The following SYT14 variants were observed in gnomAD, a reference collection of about 807,000 sequenced individuals.
The protein encoded by SYT14 is synaptotagmin-14.
In SYT14, 32 loss-of-function variants were observed where a neutral mutation model predicts 74.2. The observed-to-expected ratio is 0.43, with a 90% CI of 0.33 to 0.58. The LOEUF (loss-of-function observed/expected upper bound fraction) is 0.58, where lower values mean the gene tolerates loss of function less well. SYT14 is among the 20% of genes least tolerant of loss of function. SYT14 has a pLI of 0.05. For synonymous variants in SYT14, 298 were observed against 337.7 expected (o/e 0.88, Z 1.29); for missense variants, 791 against 981.8 (o/e 0.81, Z 2.60).
At chr1:210,164,088 A>C (rs1380386770) in exon 10 of SYT14, 1 of 452,886 alleles carries the variant, frequency 2.2e-6, no homozygotes. Flanking sequence ...TGCCCAGTAA[A>C]CAAAATGTAT....
intron 4 of SYT14, among the ~76,000 whole-genome samples, chr1:210,017,473 C>T (rs1393737977): frequency 6.6e-6 from 1 of 152,122 alleles, no homozygotes; most frequent in Admixed American, 6.5e-5. Flanking sequence ...ATAACTAACT[C>T]TGAAGCCCTT....
chr1:210,155,676 T>C, intron 7 of SYT14, 45 bp from the exon 7 acceptor site: 3 of 1,597,510 alleles, frequency 1.9e-6, no homozygotes, highest in Non-Finnish European at 2.6e-6. Context: ...TCTCTTAATA[T>C]ATCTCTCTTG....
At chr1:209,981,766 T>C (rs1254943295) in intron 2 of SYT14, among the ~76,000 whole-genome samples, 2 of 152,150 alleles carry the variant, frequency 1.3e-5, no homozygotes, top group African/African-American at 4.8e-5. Context: ...CAGACTTTCT[T>C]CTTTTCAAGA....
At chr1:210,100,715 A>G (rs1430861210) in intron 7 of SYT14, among the ~76,000 whole-genome samples, 1 of 151,980 alleles carries the variant, frequency 6.6e-6, no homozygotes, top group Admixed American at 6.6e-5. Context: ...AGGGTTTTAC[A>G]TGTTTTTTGT....
At chr1:210,139,043 T>C (rs960681831) in intron 7 of SYT14, among the ~76,000 whole-genome samples, 1 of 151,960 alleles carries the variant, frequency 6.6e-6, no homozygotes, top group African/African-American at 2.4e-5. Flanking sequence ...ACCTGTTTCA[T>C]GTATTTGAAC....
At chr1:210,060,068 A>G (rs1056132844) in intron 5 of SYT14, among the ~76,000 whole-genome samples, 4 of 152,254 alleles carry the variant, frequency 2.6e-5, no homozygotes, top group African/African-American at 4.8e-5. Flanking sequence ...CATTGGAATT[A>G]TATGCAACTT....
chr1:209,953,303 T>G, intron 2 of SYT14: 40 of 1,241,344 alleles, frequency 3.2e-5, no homozygotes, highest in Non-Finnish European at 3.9e-5. Flanking sequence ...AGGTATTCTC[T>G]AGATTTGGAA....
chr1:210,044,026 C>T (rs1210927567), intron 5 of SYT14, among the ~76,000 whole-genome samples: 1 of 152,044 alleles, frequency 6.6e-6, no homozygotes, highest in Non-Finnish European at 1.5e-5. Flanking sequence ...AGCAGTTCCC[C>T]ATTCTTTAGG....
chr1:210,085,785 G>T (rs1048826982), intron 5 of SYT14, among the ~76,000 whole-genome samples: 4 of 152,068 alleles, frequency 2.6e-5, no homozygotes, highest in Non-Finnish European at 5.9e-5. Flanking sequence ...GGTTAGATTT[G>T]CTAAAATTTT....
chr1:210,009,253 C>T (rs756269552), intron 2 of SYT14, among the ~76,000 whole-genome samples: 3 of 152,064 alleles, frequency 2.0e-5, no homozygotes, highest in Non-Finnish European at 2.9e-5. Context: ...TGGCTGACTT[C>T]TGGTATCATA....
chr1:210,125,748 G>A (rs2082556664), intron 7 of SYT14, among the ~76,000 whole-genome samples: 1 of 152,188 alleles, frequency 6.6e-6, no homozygotes, highest in Non-Finnish European at 1.5e-5. Flanking sequence ...CAGAAGTTTA[G>A]TATTAATGAT....
At chr1:210,109,651 T>C (rs1287013189) in intron 7 of SYT14, among the ~76,000 whole-genome samples, 1 of 151,450 alleles carries the variant, frequency 6.6e-6, no homozygotes, top group Non-Finnish European at 1.5e-5. Context: ...GAAATAAGAA[T>C]GCTTTTACAC....
At chr1:210,154,766 A>G (rs751340663) in intron 7 of SYT14, among the ~76,000 whole-genome samples, 16 of 152,336 alleles carry the variant, frequency 1.1e-4, no homozygotes, top group Non-Finnish European at 1.6e-4. Flanking sequence ...TTTTCTAATC[A>G]ATCAAAAAAC....
chr1:210,158,047 G>C (rs568618058), intron 8 of SYT14, among the ~76,000 whole-genome samples: 15 of 152,216 alleles, frequency 9.9e-5, no homozygotes, highest in African/African-American at 3.1e-4. Context: ...TAAAATTAAG[G>C]TCATGTCTCT....
At chr1:209,957,953 TTCTC>T (rs1365880008) in intron 2 of SYT14, among the ~76,000 whole-genome samples, 4 of 152,156 alleles carry the variant, frequency 2.6e-5, no homozygotes, top group Non-Finnish European at 4.4e-5. Flanking sequence ...CCTTCCTTCT[TTCTC>T]TCTGTCTTTC....
rs148322753 is a variant in SYT14 at position 209,962,553 on chromosome 1, G to C, written c.-486+9797G>C. Among the ~76,000 whole-genome samples the C allele has an allele frequency of 2.6e-3, 397 of 152,154 alleles. 2 individuals carry two copies. The highest frequency in any genetic ancestry group is 9.0e-3 in the African/African-American group (374 of 41,532). On this transcript the variant is annotated intron_variant, in intron 2 of 9. Transcript: ENST00000637265. ...CTATATTTTCTTTGATTCGTTCTCAGCTTCTTTGAACTTCTTAATGAGAGG... is the reference window on the plus strand; with the variant it reads ...CTATATTTTCTTTGATTCGTTCTCACCTTCTTTGAACTTCTTAATGAGAGG...
At chr1:209,958,555 A>G (rs958502632) in intron 2 of SYT14, among the ~76,000 whole-genome samples, 7 of 152,156 alleles carry the variant, frequency 4.6e-5, no homozygotes, top group Non-Finnish European at 1.0e-4. Flanking sequence ...ATGCCTTTCA[A>G]TAAGGTTTTG....
intron 6 of SYT14, among the ~76,000 whole-genome samples, chr1:210,095,221 C>G (rs1178203561): frequency 2.0e-5 from 3 of 152,128 alleles, no homozygotes; most frequent in Non-Finnish European, 2.9e-5. Context: ...ATAATGAAAA[C>G]TATATAAAGA....
At chr1:210,020,179 G>T (rs532670020) in intron 4 of SYT14, among the ~76,000 whole-genome samples, 2 of 152,018 alleles carry the variant, frequency 1.3e-5, no homozygotes, top group South Asian at 2.1e-4. Context: ...ACATGATATT[G>T]TAGTTATTCT....
Sources: gnomAD v4.1 joint callset for allele counts (sites outside exome capture counted in the v4.1 genomes callset) on GRCh38, gnomAD v4.1.1 for gene constraint, MANE v1.5 for transcripts, NCBI Gene and HGNC (gene_info 2026-07-23, HGNC 2026-07-21) for gene names.